The following PARP8 variants were observed in gnomAD, a reference collection of about 807,000 sequenced individuals.
PARP8 encodes protein mono-ADP-ribosyltransferase PARP8.
In PARP8, 51 loss-of-function variants were observed where a neutral mutation model predicts 124.1. The ratio of observed to expected loss-of-function variants is 0.41; its 90% CI spans 0.33 to 0.52. The LOEUF (loss-of-function observed/expected upper bound fraction) is 0.52. Ranked by LOEUF, PARP8 falls within the 20% of genes least tolerant of loss-of-function variation. The pLI, the probability that PARP8 is intolerant of heterozygous loss-of-function variation, is 0.21. For synonymous variants in PARP8, 391 were observed against 361.5 expected (o/e 1.08, Z -0.93); for missense variants, 860 against 1,018.9 (o/e 0.84, Z 2.12).
chr5:50,676,853 T>TTAA lies in PARP8; in HGVS notation c.146+8729_146+8731dup, dbSNP rs200700752. On this transcript the variant is annotated intron_variant, in intron 2 of 25. Transcript: ENST00000281631. Reference sequence around the variant, plus strand: ...ATTAGTCGGGAAGCAAACCCCTTTTTTAAGGCAATGTCAGTTATTAAGCTT... The same window carrying TTAA: ...ATTAGTCGGGAAGCAAACCCCTTTTTTAATAAGGCAATGTCAGTTATTAAGCTT... Among the ~76,000 whole-genome samples the TTAA allele has an allele frequency of 6.9e-3, 1,045 of 152,322 alleles. 8 individuals carry two copies. Among genetic ancestry groups the TTAA allele is most frequent in the East Asian group, 0.039 (201 of 5,188 alleles).
intron 22 of PARP8, among the ~76,000 whole-genome samples, chr5:50,830,642 TATAAA>T (rs1336190494): frequency 1.3e-5 from 2 of 152,214 alleles, no homozygotes; most frequent in Non-Finnish European, 2.9e-5. Flanking sequence ...CTGGTTTAAA[TATAAA>T]ATAATTATGC....
At chr5:50,680,300 C>T (rs1751143250) in intron 2 of PARP8, among the ~76,000 whole-genome samples, 1 of 151,792 alleles carries the variant, frequency 6.6e-6, no homozygotes, top group Admixed American at 6.6e-5. Context: ...TTATTTTTTT[C>T]CACAATGACT....
chr5:50,830,015 A>T, intron 22 of PARP8, 54 bp downstream of exon 22: 1 of 1,582,660 alleles, frequency 6.3e-7, no homozygotes, highest in Non-Finnish European at 8.6e-7. Context: ...TAATTTTCTT[A>T]TTGTTTATAC....
Position 50,774,968 on chromosome 5 carries a change from G to A in PARP8, c.519-3101G>A, listed in dbSNP as rs571975908. On this transcript the variant is annotated intron_variant, in intron 7 of 25. Transcript: ENST00000281631. Reference sequence around the variant, plus strand: ...TCCCCACTTCCCAGACGGGGCGGCCGGCCAGAGGCGCTCTTCACATCCCAG... The same window carrying A: ...TCCCCACTTCCCAGACGGGGCGGCCAGCCAGAGGCGCTCTTCACATCCCAG... 1.4e-4 allele frequency among the ~76,000 whole-genome samples: 21 copies of A among 147,438 alleles called. No individual in the cohort carries two copies. The South Asian group carries it at 2.0e-3, about 14-fold the overall frequency.
Position 50,842,720 on chromosome 5 carries a change from A to G in PARP8, c.*652A>G, listed in dbSNP as rs1339570131. On this transcript the variant is annotated 3_prime_UTR_variant, in exon 26 of 26. Transcript: ENST00000281631. ...ACAAGAAAGATGGCTTAGCTTCACA[A>G]TTCTATCCTCGTTTAATGGAAAGAA... The G allele has an allele frequency of 1.3e-5, 2 of 151,724 alleles. No individual in the cohort carries two copies. The highest frequency in any genetic ancestry group is 3.9e-4 in the East Asian group (2 of 5,180). The allele number at this position is 151,724 out of a possible 1,614,324, so 9.4% of individuals were successfully genotyped here. A position where few individuals can be genotyped will look rare whatever the true frequency, so the allele number is the denominator to read the frequency against.
At chr5:50,764,987 C>A (rs1242547646) in intron 7 of PARP8, among the ~76,000 whole-genome samples, 1 of 151,574 alleles carries the variant, frequency 6.6e-6, no homozygotes, top group African/African-American at 2.4e-5. Flanking sequence ...GGTTGCTGGG[C>A]GCGGTGGCTC....
chr5:50,758,576 C>T (rs754441192), intron 3 of PARP8, among the ~76,000 whole-genome samples: 5 of 152,122 alleles, frequency 3.3e-5, no homozygotes, highest in Non-Finnish European at 7.4e-5. Flanking sequence ...AATGTGCATT[C>T]CCTGCGCCAT....
chr5:50,752,056 TAGTG>T (rs896695528), intron 3 of PARP8, among the ~76,000 whole-genome samples: 1 of 152,114 alleles, frequency 6.6e-6, no homozygotes, highest in African/African-American at 2.4e-5. Context: ...TTTTCAAAAT[TAGTG>T]AGCATGCTTC....
chr5:50,687,921 G>A (rs1752049588), intron 2 of PARP8, among the ~76,000 whole-genome samples: 1 of 152,148 alleles, frequency 6.6e-6, no homozygotes, highest in African/African-American at 2.4e-5. Context: ...TTGTCTCCTT[G>A]TAGCATCCAC....
chr5:50,686,197 A>T (rs539474826), intron 2 of PARP8, among the ~76,000 whole-genome samples: 111 of 152,348 alleles, frequency 7.3e-4, no homozygotes, highest in Non-Finnish European at 1.3e-3. Context: ...CGTTGAATAG[A>T]TGCAGTCATT....
chr5:50,765,681 C>G (rs1025595108), intron 7 of PARP8, among the ~76,000 whole-genome samples: 1 of 152,116 alleles, frequency 6.6e-6, no homozygotes, highest in Non-Finnish European at 1.5e-5. Flanking sequence ...GAGGATATTT[C>G]CAAAATAAAT....
At chr5:50,735,193 A>G (rs1580142121) in intron 2 of PARP8, among the ~76,000 whole-genome samples, 1 of 152,226 alleles carries the variant, frequency 6.6e-6, no homozygotes, top group East Asian at 1.9e-4. Context: ...ACATATTTGC[A>G]TGGCCTACAA....
chr5:50,776,666 A>G (rs1435901279), intron 7 of PARP8, among the ~76,000 whole-genome samples: 1 of 152,148 alleles, frequency 6.6e-6, no homozygotes, highest in South Asian at 2.1e-4. Flanking sequence ...TTATATTCTA[A>G]TATGCTTTGG....
At chr5:50,739,842 G>C (rs1330830530) in intron 2 of PARP8, among the ~76,000 whole-genome samples, 1 of 144,440 alleles carries the variant, frequency 6.9e-6, no homozygotes, top group Non-Finnish European at 1.5e-5. Flanking sequence ...CTCCACCTCC[G>C]AGGTTCAAGC....
chr5:50,725,122 A>G (rs1160757054), intron 2 of PARP8, among the ~76,000 whole-genome samples: 2 of 150,820 alleles, frequency 1.3e-5, no homozygotes, highest in African/African-American at 4.9e-5. Context: ...CTATATATGT[A>G]TAGATATATG....
At chr5:50,681,494 C>G (rs1299665808) in intron 2 of PARP8, among the ~76,000 whole-genome samples, 1 of 151,986 alleles carries the variant, frequency 6.6e-6, no homozygotes, top group African/African-American at 2.4e-5. Flanking sequence ...TGGTAACATT[C>G]CTTTTTGATA....
intron 19 of PARP8, 22 bp from the exon 20 acceptor site, chr5:50,827,922 T>G: frequency 1.3e-6 from 2 of 1,518,988 alleles, no homozygotes; most frequent in Non-Finnish European, 1.8e-6. Flanking sequence ...ATGTTTTTGT[T>G]TGTCTTTATC....
intron 7 of PARP8, among the ~76,000 whole-genome samples, chr5:50,772,389 CAT>C (rs1761715881): frequency 6.6e-6 from 1 of 152,328 alleles, no homozygotes; most frequent in African/African-American, 2.4e-5. Context: ...TGCTGGGCCA[CAT>C]GGTGGTTCTA....
At chr5:50,792,738 G>A (rs1742104154) in intron 10 of PARP8, among the ~76,000 whole-genome samples, 1 of 152,136 alleles carries the variant, frequency 6.6e-6, no homozygotes, top group Admixed American at 6.5e-5. Flanking sequence ...CGAATTTACT[G>A]TGAATTTGGA....
Sources: gnomAD v4.1 joint callset for allele counts (sites outside exome capture counted in the v4.1 genomes callset) on GRCh38, gnomAD v4.1.1 for gene constraint, MANE v1.5 for transcripts, NCBI Gene and HGNC (gene_info 2026-07-23, HGNC 2026-07-21) for gene names.